Variants in STN1 observed in about 807,000 individuals in gnomAD.
The protein encoded by STN1 is CST complex subunit STN1.
STN1 carries 29 observed loss-of-function variants against 45.5 expected under a neutral mutation model. The ratio of observed to expected loss-of-function variants is 0.64; its 90% CI spans 0.47 to 0.87. The LOEUF is 0.87. Ranked by LOEUF, STN1 falls within the 40% of genes least tolerant of loss-of-function variation. The probability of loss-of-function intolerance (pLI) is 0.00; values close to 1 mark genes in which losing one functional copy is unlikely to be tolerated. For missense variants in STN1, 376 were observed against 441.4 expected, an observed-to-expected ratio of 0.85 and a Z score of 1.33; for synonymous variants, 148 against 159.0, an observed-to-expected ratio of 0.93 and a Z score of 0.52.
chr10:103,887,832 G>T (rs1050441986), intron 9 of STN1, among the ~76,000 whole-genome samples: 29 of 152,260 alleles, frequency 1.9e-4, no homozygotes, highest in Admixed American at 1.9e-3. Flanking sequence ...TAGCCCTAGG[G>T]TTCAATCCAT....
At chr10:103,912,612 G>T (rs1411995630) in intron 2 of STN1, among the ~76,000 whole-genome samples, 1 of 152,204 alleles carries the variant, frequency 6.6e-6, no homozygotes, top group Non-Finnish European at 1.5e-5. Flanking sequence ...CCACCACTCA[G>T]CCTTGGAGTG....
chr10:103,887,200 G>A (rs966026226), intron 9 of STN1, among the ~76,000 whole-genome samples: 1 of 152,208 alleles, frequency 6.6e-6, no homozygotes, highest in Non-Finnish European at 1.5e-5. Context: ...ATGAAAAGAC[G>A]TAGGCACTTT....
At chr10:103,899,515 C>T (rs1367976880) in intron 5 of STN1, among the ~76,000 whole-genome samples, 2 of 151,716 alleles carry the variant, frequency 1.3e-5, no homozygotes, top group African/African-American at 2.4e-5. Context: ...GACAACATGG[C>T]GAAACCCCAT....
intron 7 of STN1, 54 bp downstream of exon 7, chr10:103,897,494 G>A: frequency 6.7e-7 from 1 of 1,487,764 alleles, no homozygotes; most frequent in Non-Finnish European, 9.4e-7. Context: ...CACACCTGCA[G>A]TTGCAGATCT....
intron 4 of STN1, among the ~76,000 whole-genome samples, chr10:103,903,553 A>G (rs1843222775): frequency 6.6e-6 from 1 of 152,134 alleles, no homozygotes; most frequent in Non-Finnish European, 1.5e-5. Flanking sequence ...GGTTTGCAGA[A>G]GTGGTTCTCA....
chr10:103,916,459 G>A (rs1241284304), intron 2 of STN1, among the ~76,000 whole-genome samples: 3 of 152,164 alleles, frequency 2.0e-5, no homozygotes, highest in Non-Finnish European at 4.4e-5. Context: ...AAGGTGTGGC[G>A]AAAAATCTGT....
chr10:103,892,258 AAG>A lies in STN1; in HGVS notation c.754-8_754-7del, dbSNP rs1189411090. 1 of 1,585,866 alleles carries A rather than the reference AAG, an allele frequency of 6.3e-7. No individual in the cohort carries two copies. The highest frequency in any genetic ancestry group is 8.5e-7 in the Non-Finnish European group (1 of 1,172,802). ...GTGTCCTTCTTAAAATTCACCTGTA[AAG>A]AGAGGAAAAAGAAAAAAGAAAAGAA... is the stretch of plus-strand genomic sequence containing the variant. On this transcript the variant is annotated splice_polypyrimidine_tract_variant and splice_region_variant and intron_variant, in intron 7 of 9. Coordinates refer to ENST00000224950, the MANE Select transcript of STN1 (RefSeq NM_024928.5).
rs1843143534 is a variant in STN1 at position 103,892,143 on chromosome 10, T to C, written c.863A>G (p.Asp288Gly). 6.2e-7 allele frequency: 1 copy of C among 1,609,894 alleles called. No individual in the cohort carries two copies. Among genetic ancestry groups the C allele is most frequent in the Non-Finnish European group, 8.5e-7 (1 of 1,178,892 alleles). ...GLVFQKDDGF[D>G]NLYYVTREDK... ...CAAGTGTCTTACATAGTATAGGTTA[T>C]CAAAACCATCATCTTTCTGGAAAAC... is the stretch of plus-strand genomic sequence containing the variant. The change falls in exon 8 of 10, where the codon GAT becomes GGT. Residue 288 changes from aspartate to glycine, a missense_variant. Asp to Gly is a moderately conservative substitution (Grantham distance 94, BLOSUM62 -1). Coordinates refer to ENST00000224950, the MANE Select transcript of STN1 (RefSeq NM_024928.5).
At chr10:103,897,240 T>C (rs570371946) in intron 7 of STN1, among the ~76,000 whole-genome samples, 1 of 152,200 alleles carries the variant, frequency 6.6e-6, no homozygotes, top group Non-Finnish European at 1.5e-5. Flanking sequence ...GGCACATGCC[T>C]GTGGTCCCAG....
intron 7 of STN1, among the ~76,000 whole-genome samples, chr10:103,893,404 G>A (rs190247430): frequency 6.6e-6 from 1 of 152,106 alleles, no homozygotes; most frequent in Non-Finnish European, 1.5e-5. Flanking sequence ...TCCCGACCTC[G>A]TGATCCACCC....
At chr10:103,908,638 G>T (rs1843259748) in intron 3 of STN1, among the ~76,000 whole-genome samples, 2 of 152,188 alleles carry the variant, frequency 1.3e-5, no homozygotes, top group Admixed American at 6.5e-5. Flanking sequence ...TCAGCAGTCA[G>T]ATGCTTTTTA....
intron 3 of STN1, 62 bp downstream of exon 3, chr10:103,910,465 A>C (rs1461947390): frequency 8.7e-7 from 1 of 1,156,064 alleles, no homozygotes; most frequent in African/African-American, 1.5e-5. Context: ...CTGAAATCCA[A>C]CTTTCAGCCC....
intron 8 of STN1, among the ~76,000 whole-genome samples, chr10:103,889,682 C>T (rs530060501): frequency 2.1e-4 from 29 of 138,884 alleles, no homozygotes; most frequent in African/African-American, 6.6e-4. Flanking sequence ...ATAACTTAGT[C>T]TTTTTCTTTT....
At chr10:103,917,381 G>T in intron 2 of STN1, 81 bp downstream of exon 2, 2 of 1,391,378 alleles carry the variant, frequency 1.4e-6, no homozygotes, top group South Asian at 1.4e-5. Context: ...TCTCCTAAAA[G>T]CCTCTAATCC....
rs1843046310 is a variant in STN1 at position 103,878,618 on chromosome 10, C to T, written c.*4066G>A. 6.6e-6 allele frequency: 1 copy of T among 152,138 alleles called. No homozygotes were observed. Among genetic ancestry groups the T allele is most frequent in the Non-Finnish European group, 1.5e-5 (1 of 68,026 alleles). The allele number at this position is 152,138 out of a possible 1,614,324, so 9.4% of individuals were successfully genotyped here. On this transcript the variant is annotated 3_prime_UTR_variant, in exon 10 of 10. Coordinates refer to ENST00000224950, the MANE Select transcript of STN1 (RefSeq NM_024928.5). ...CTGACAGTGGAAGAGTGAGCACTTG[C>T]TAATTATAAAAATGCCAAAGGATAG...
Position 103,892,182 on chromosome 10 carries a change from T to C in STN1, c.824A>G (p.Gln275Arg), listed in dbSNP as rs201076579. 252 of 1,612,430 alleles carry C rather than the reference T, an allele frequency of 1.6e-4. 1 individual carries two copies. The highest frequency in any genetic ancestry group is 8.3e-4 in the Middle Eastern group (5 of 6,054). ...TTTCTGGAAAACAAGTCCTTTTTCC[T>C]GCAGCAGTTGTATAGCATTCTTAAA... is the stretch of plus-strand genomic sequence containing the variant. ...SIFKNAIQLLQEKGLVFQKDD... is the reference protein window; with the variant it reads ...SIFKNAIQLLREKGLVFQKDD... Residue 275 changes from glutamine (Q) to arginine (R), a missense_variant, in exon 8 of 10, where the codon CAG becomes CGG. Physicochemically the swap from Gln to Arg is conservative, Grantham distance 43. Transcript: ENST00000224950.
intron 9 of STN1, among the ~76,000 whole-genome samples, chr10:103,888,247 T>G (rs1358161948): frequency 1.3e-5 from 2 of 152,174 alleles, no homozygotes; most frequent in African/African-American, 4.8e-5. Flanking sequence ...GCCCCAGGGA[T>G]GTATGGGCCG....
chr10:103,898,707 T>C (rs984674019), intron 6 of STN1, among the ~76,000 whole-genome samples, 170 bp downstream of exon 6: 7 of 152,212 alleles, frequency 4.6e-5, no homozygotes, highest in Non-Finnish European at 2.9e-5. Flanking sequence ...CTCTTCATGT[T>C]ACAGTTGAGG....
chr10:103,899,611 C>T (rs3850670), intron 5 of STN1, among the ~76,000 whole-genome samples: 34,134 of 148,188 alleles, frequency 0.23, 4,283 homozygotes, highest in Non-Finnish European at 0.27. Flanking sequence ...CTCCTGAGCC[C>T]AGGAATTTGA....
Sources: gnomAD v4.1 joint callset for allele counts (sites outside exome capture counted in the v4.1 genomes callset) on GRCh38, gnomAD v4.1.1 for gene constraint, MANE v1.5 for transcripts, NCBI Gene and HGNC (gene_info 2026-07-23, HGNC 2026-07-21) for gene names.